The following RGPD4 variants were observed in gnomAD, a reference collection of about 807,000 sequenced individuals.
RGPD4 encodes ranBP2-like and GRIP domain-containing protein 4.
RGPD4 carries 84 observed loss-of-function variants against 141.1 expected under a neutral mutation model. The observed-to-expected ratio is 0.60, with a 90% CI of 0.50 to 0.71. The LOEUF (loss-of-function observed/expected upper bound fraction) is 0.71. Ranked by LOEUF, RGPD4 falls within the 30% of genes least tolerant of loss-of-function variation. The pLI, the probability that RGPD4 is intolerant of heterozygous loss-of-function variation, is 0.00. For missense variants in RGPD4, 918 were observed against 1,622.4 expected, an observed-to-expected ratio of 0.57 and a Z score of 7.46; for synonymous variants, 298 against 566.8, an observed-to-expected ratio of 0.53 and a Z score of 6.74.
intron 20 of RGPD4, among the ~76,000 whole-genome samples, chr2:107,873,439 G>T (rs889493817): frequency 7.0e-6 from 1 of 143,440 alleles, no homozygotes; most frequent in African/African-American, 2.7e-5. Context: ...CGGGCGTGGT[G>T]GTGCGTGCCT....
intron 1 of RGPD4, among the ~76,000 whole-genome samples, chr2:107,829,551 C>T (rs113804077): frequency 6.9e-6 from 1 of 145,394 alleles, no homozygotes; most frequent in Non-Finnish European, 1.5e-5. Flanking sequence ...CGACCTGGCC[C>T]GGCGGCGGCC....
chr2:107,837,188 CT>C (rs71225100), intron 2 of RGPD4, among the ~76,000 whole-genome samples: 5,709 of 41,886 alleles, frequency 0.14, 200 homozygotes, highest in African/African-American at 0.23. Context: ...GGGAGGCAGG[CT>C]TTTTTTTTTT....
chr2:107,845,333 C>T (rs917200712), intron 6 of RGPD4, among the ~76,000 whole-genome samples: 4 of 132,628 alleles, frequency 3.0e-5, no homozygotes, highest in African/African-American at 1.2e-4. Flanking sequence ...TCACAATTTC[C>T]TCTCAATGCT....
chr2:107,874,518 A>G (rs955398102), intron 20 of RGPD4, among the ~76,000 whole-genome samples: 4 of 140,034 alleles, frequency 2.9e-5, no homozygotes, highest in African/African-American at 1.1e-4. Context: ...TTTTAAGTAT[A>G]CCAGTTTTAT....
At chr2:107,875,608 G>C (rs1407611647) in intron 20 of RGPD4, among the ~76,000 whole-genome samples, 1 of 145,898 alleles carries the variant, frequency 6.9e-6, no homozygotes. Flanking sequence ...AGTTTTTTCT[G>C]TTTCTAATTT....
chr2:107,836,826 G>T (rs1384708396), intron 2 of RGPD4, among the ~76,000 whole-genome samples, 157 bp downstream of exon 2: 1 of 74,104 alleles, frequency 1.3e-5, no homozygotes, highest in Non-Finnish European at 3.0e-5. Context: ...GACCAGCCTA[G>T]ATTCCATTGA....
chr2:107,882,104 G>A (rs558788587), intron 21 of RGPD4, among the ~76,000 whole-genome samples: 6 of 151,990 alleles, frequency 3.9e-5, no homozygotes, highest in South Asian at 2.1e-4. Flanking sequence ...TCATGGAGAC[G>A]TTCCATCAGT....
At chr2:107,876,459 T>C (rs1421297565) in intron 20 of RGPD4, among the ~76,000 whole-genome samples, 2 of 151,646 alleles carry the variant, frequency 1.3e-5, no homozygotes, top group Non-Finnish European at 2.9e-5. Flanking sequence ...CAAATTTGTC[T>C]ACTTTTTAAA....
In RGPD4 at chr2:107,872,830, A is replaced by G. The variant is rs1394374424; in HGVS notation, c.4826A>G (p.Asp1609Gly). 6.2e-7 allele frequency: 1 copy of G among 1,607,430 alleles called. No individual in the cohort carries two copies. Among genetic ancestry groups the G allele is most frequent in the African/African-American group, 1.4e-5 (1 of 72,972 alleles). ...AAATGTGAACTGTCAAAGAACTCTG[A>G]TATCGAACAGTCTTCAGATAGCAAA... ...PKKCELSKNS[D>G]IEQSSDSKVK... The change falls in exon 20 of 23, where the codon GAT (aspartate) becomes GGT (glycine). Residue 1609 changes from aspartate to glycine, a missense_variant. Coordinates refer to ENST00000408999, the MANE Select transcript of RGPD4 (RefSeq NM_182588.3).
rs142202945 is a variant in RGPD4 at position 107,887,122 on chromosome 2, G to C, written c.5267-3599G>C. On this transcript the variant is annotated intron_variant, in intron 22 of 22. Coordinates refer to ENST00000408999, the MANE Select transcript of RGPD4 (RefSeq NM_182588.3). ...CCAGTTCTGGTGGCATGTGCCCATA[G>C]TCCTAGCTACTCGGGAGGCTAAGGC... Among the ~76,000 whole-genome samples the C allele has an allele frequency of 8.6e-3, 1,302 of 150,826 alleles. 14 individuals are homozygous for C. Among genetic ancestry groups the C allele is most frequent in the African/African-American group, 0.03 (1,228 of 40,888 alleles).
rs1183165204 is a variant in RGPD4 at position 107,838,707 on chromosome 2, G to A, written c.253-105G>A. ...CTAGAAGTAGAATTTTTTAAGAGTT[G>A]GAGTGATAATTTTTAACCTTTATAT... On this transcript the variant is annotated intron_variant, in intron 3 of 22. Coordinates refer to ENST00000408999, the MANE Select transcript of RGPD4 (RefSeq NM_182588.3). 183 of 598,868 alleles carry A rather than the reference G, an allele frequency of 3.1e-4. 50 individuals are homozygous for A. In the East Asian group the frequency reaches 5.8e-3, roughly 19 times the overall value. 37.1% of individuals were successfully genotyped at this position (598,868 alleles called of 1,614,324 possible).
chr2:107,863,608 T>G (rs1180562154), intron 17 of RGPD4, among the ~76,000 whole-genome samples: 3 of 151,778 alleles, frequency 2.0e-5, no homozygotes, highest in Non-Finnish European at 2.9e-5. Flanking sequence ...CTCTCCTGCC[T>G]CAGCCTCCCG....
chr2:107,830,597 A>C (rs1210538310), intron 1 of RGPD4, among the ~76,000 whole-genome samples: 1 of 152,078 alleles, frequency 6.6e-6, no homozygotes, highest in Non-Finnish European at 1.5e-5. Context: ...ATTTCAGCGG[A>C]ATATGGATTA....
intron 9 of RGPD4, among the ~76,000 whole-genome samples, chr2:107,857,269 C>T (rs1351171847): frequency 5.9e-5 from 9 of 151,472 alleles, no homozygotes; most frequent in South Asian, 2.1e-4. Flanking sequence ...TCCCAAGTAG[C>T]GGGATTACAA....
rs1221087826 is a variant in RGPD4 at position 107,885,119 on chromosome 2, G to A, written c.5266+2246G>A. ...AAGGGCCCAAATAAGAATACATCATGTATATTTTTAGTAGTTATTCAGATT... is the reference window on the plus strand; with the variant it reads ...AAGGGCCCAAATAAGAATACATCATATATATTTTTAGTAGTTATTCAGATT... On this transcript the variant is annotated intron_variant, in intron 22 of 22. Coordinates refer to ENST00000408999, the MANE Select transcript of RGPD4 (RefSeq NM_182588.3). Among the ~76,000 whole-genome samples the A allele has an allele frequency of 2.0e-5, 3 of 152,044 alleles. No individual in the cohort carries two copies. The East Asian group carries it at 5.8e-4, about 29-fold the overall frequency.
Position 107,888,581 on chromosome 2 carries a change from C to G in RGPD4, c.5267-2140C>G, listed in dbSNP as rs1165016741. Among the ~76,000 whole-genome samples, 4 of 151,850 alleles carry G rather than the reference C, an allele frequency of 2.6e-5. No homozygotes were observed. The South Asian group carries it at 8.3e-4, about 32-fold the overall frequency. ...TCATTCCCTCCTCCAGAAATTCATG[C>G]CTTTGTATAATCTCTTCCCCTTCAG... On this transcript the variant is annotated intron_variant, in intron 22 of 22. Transcript: ENST00000408999.
Position 107,890,292 on chromosome 2 carries a change from T to C in RGPD4, c.5267-429T>C, listed in dbSNP as rs1286181882. Among the ~76,000 whole-genome samples the C allele has an allele frequency of 5.2e-5, 3 of 57,672 alleles. 1 individual carries two copies. Among genetic ancestry groups the C allele is most frequent in the Non-Finnish European group, 1.0e-4 (3 of 28,762 alleles). The allele number at this position is 57,672 out of a possible 152,430, so 37.8% of individuals were successfully genotyped here. On this transcript the variant is annotated intron_variant, in intron 22 of 22. Transcript: ENST00000408999. The stretch of plus-strand genomic sequence containing the variant: ...ATGGTTGGGTACAGTGGCTCGTGAC[T>C]GTAATCCCAACACTGTAAGGCTGAA...
rs775787688 is a variant in RGPD4 at position 107,882,659 on chromosome 2, T to G, written c.5065-13T>G. ...TCCTAAAGCCCATTTTTAACTCATT[T>G]CTCTAACACCAGCTTCTCAAAAGTG... On this transcript the variant is annotated splice_polypyrimidine_tract_variant and intron_variant, in intron 21 of 22. Coordinates refer to ENST00000408999, the MANE Select transcript of RGPD4 (RefSeq NM_182588.3). The G allele has an allele frequency of 6.2e-7, 1 of 1,610,160 alleles. No individual in the cohort carries two copies. The highest frequency in any genetic ancestry group is 8.5e-7 in the Non-Finnish European group (1 of 1,179,648).
intron 1 of RGPD4, among the ~76,000 whole-genome samples, chr2:107,828,685 G>T (rs1463597943): frequency 3.1e-4 from 12 of 38,228 alleles, no homozygotes; most frequent in Non-Finnish European, 4.7e-4. Context: ...TCCCTGGCGC[G>T]CTCTGTTGAG....
Sources: allele counts gnomAD v4.1 joint callset (sites outside exome capture counted in the v4.1 genomes callset), GRCh38; gene constraint gnomAD v4.1.1; transcripts MANE v1.5; gene names NCBI Gene and HGNC (gene_info 2026-07-23, HGNC 2026-07-21).